Variants in SIDT1 observed in about 807,000 individuals in gnomAD.
SIDT1 encodes SID1 transmembrane family, member 1.
In SIDT1, 101 loss-of-function variants were observed where a neutral mutation model predicts 107.5. The observed-to-expected ratio is 0.94, with a 90% confidence interval of 0.80 to 1.11. The LOEUF (loss-of-function observed/expected upper bound fraction) is 1.11. Ranked by LOEUF, SIDT1 falls within the 50% of genes least tolerant of loss-of-function variation. The pLI, the probability that SIDT1 is intolerant of heterozygous loss-of-function variation, is 0.00. For synonymous variants in SIDT1, 395 were observed against 398.2 expected (o/e 0.99, Z 0.10); for missense variants, 1,076 against 1,058.2 (o/e 1.02, Z -0.23).
At position 113,544,883 on chromosome 3, in the gene SIDT1, G is replaced by T. The variant is rs78046664; in HGVS notation, c.222+11640G>T. Reference sequence around the variant, plus strand: ...AGTCCCAGCATTTTGGGAGGCCAAGGTGGGCAGATCCACCTGAGGTGAGGA... The same window carrying T: ...AGTCCCAGCATTTTGGGAGGCCAAGTTGGGCAGATCCACCTGAGGTGAGGA... On this transcript the variant is annotated intron_variant, in intron 1 of 24. Transcript: ENST00000264852. 2.1e-4 allele frequency among the ~76,000 whole-genome samples: 32 copies of T among 152,202 alleles called. No individual in the cohort carries two copies. In the East Asian group the frequency reaches 5.8e-3, roughly 28 times the overall value.
At chr3:113,618,955 G>T (rs549779684) in intron 20 of SIDT1, among the ~76,000 whole-genome samples, 169 of 152,264 alleles carry the variant, frequency 1.1e-3, no homozygotes, top group Non-Finnish European at 2.2e-3. Context: ...CTCTCAAGAA[G>T]CTAGGACTAC....
In SIDT1 at chr3:113,603,159, T is replaced by G. The variant is rs17325765; in HGVS notation, c.1263+9T>G. 128,853 of 1,612,352 alleles carry G rather than the reference T, an allele frequency of 0.08. 5,776 individuals are homozygous for G. Among genetic ancestry groups the G allele is most frequent in the Non-Finnish European group, 0.093 (109,482 of 1,178,906 alleles). ...ACATCATCCGGACCAAGGTACCCAC[T>G]CTGCCTCGCCGTACTCTTTGAGAGG... is the stretch of plus-strand genomic sequence containing the variant. On this transcript the variant is annotated intron_variant, in intron 12 of 24. Transcript: ENST00000264852.
At chr3:113,552,852 C>T (rs535794444) in intron 1 of SIDT1, among the ~76,000 whole-genome samples, 2 of 152,334 alleles carry the variant, frequency 1.3e-5, no homozygotes, top group Admixed American at 6.5e-5. Context: ...AGCCTTGCTT[C>T]CCGCAAAATT....
At chr3:113,606,727 G>C in intron 14 of SIDT1, 1 of 239,982 alleles carries the variant, frequency 4.2e-6, no homozygotes, top group Admixed American at 5.1e-5. Context: ...GTCCTGAAAG[G>C]CCCCAATGTT....
At chr3:113,606,218 C>T (rs1945322325) in intron 14 of SIDT1, among the ~76,000 whole-genome samples, 1 of 152,144 alleles carries the variant, frequency 6.6e-6, no homozygotes, top group African/African-American at 2.4e-5. Flanking sequence ...AGCCCATTTA[C>T]AATAGCAAAA....
chr3:113,630,809 G>A (rs567688864), downstream of SIDT1, among the ~76,000 whole-genome samples: 1 of 152,254 alleles, frequency 6.6e-6, no homozygotes, highest in East Asian at 1.9e-4. Context: ...CACGCAGACA[G>A]GATCCTCAGC....
intron 1 of SIDT1, among the ~76,000 whole-genome samples, chr3:113,559,169 T>C (rs1401799107): frequency 6.6e-6 from 1 of 152,248 alleles, no homozygotes; most frequent in African/African-American, 2.4e-5. Context: ...TATGACTCCT[T>C]GTACATATGC....
In SIDT1 at chr3:113,599,748, A is replaced by C. The variant is rs147682045; in HGVS notation, c.1046-1840A>C. Among the ~76,000 whole-genome samples the C allele has an allele frequency of 1.2e-3, 178 of 152,358 alleles. 1 individual carries two copies. The highest frequency in any genetic ancestry group is 3.7e-3 in the African/African-American group (152 of 41,592). ...CAGGGACAGGGAGTGGGAGGAAATT[A>C]GGAGCTGTAAGTCAAAAGGTACAAA... On this transcript the variant is annotated intron_variant, in intron 10 of 24. Coordinates refer to ENST00000264852, the MANE Select transcript of SIDT1 (RefSeq NM_017699.3).
intron 4 of SIDT1, among the ~76,000 whole-genome samples, chr3:113,579,669 A>C (rs889456423): frequency 6.6e-6 from 1 of 152,216 alleles, no homozygotes; most frequent in Non-Finnish European, 1.5e-5. Context: ...TAGGGTTAGG[A>C]GAAAAGATGT....
intron 4 of SIDT1, among the ~76,000 whole-genome samples, chr3:113,580,256 G>A (rs1288210451): frequency 6.6e-6 from 1 of 152,158 alleles, no homozygotes; most frequent in East Asian, 1.9e-4. Flanking sequence ...CTTATCACAT[G>A]TTATATCTCA....
intron 1 of SIDT1, among the ~76,000 whole-genome samples, chr3:113,551,473 T>C (rs1209625034): frequency 1.3e-5 from 2 of 152,202 alleles, no homozygotes; most frequent in East Asian, 3.8e-4. Context: ...TTCCTCAAGA[T>C]AGTTGTACTA....
intron 1 of SIDT1, among the ~76,000 whole-genome samples, chr3:113,544,171 T>TTTTGTTTGTTTGTTTGTTTG (rs139256393): frequency 1.5e-5 from 2 of 131,708 alleles, no homozygotes; most frequent in Non-Finnish European, 3.2e-5. Context: ...TCATGAGTCT[T>TTTTGTTTGTTTGTTTGTTTG]TTTGTTTGTT....
At chr3:113,559,507 T>G (rs1207467166) in intron 1 of SIDT1, among the ~76,000 whole-genome samples, 4 of 152,010 alleles carry the variant, frequency 2.6e-5, no homozygotes, top group African/African-American at 9.7e-5. Context: ...AGTGGCCCAA[T>G]CTGGGCTCAC....
chr3:113,549,483 T>A (rs932918135), intron 1 of SIDT1, among the ~76,000 whole-genome samples: 7 of 152,212 alleles, frequency 4.6e-5, no homozygotes, highest in African/African-American at 1.7e-4. Context: ...TGATTGTTGC[T>A]TTGCATTTCC....
At chr3:113,630,802 G>A (rs1206586394), downstream of SIDT1, among the ~76,000 whole-genome samples, 2 of 152,126 alleles carry the variant, frequency 1.3e-5, no homozygotes, top group African/African-American at 2.4e-5. Flanking sequence ...CAGTGCTCAC[G>A]CAGACAGGAT....
intron 14 of SIDT1, among the ~76,000 whole-genome samples, chr3:113,605,716 CT>C (rs1945278828): frequency 6.6e-6 from 1 of 152,012 alleles, no homozygotes. Context: ...TTAAAAACAG[CT>C]TTGTGGCTGG....
In SIDT1 at chr3:113,611,111, T is replaced by C. The variant is rs1945703771; in HGVS notation, c.1824T>C (p.Phe608=). The change falls in exon 18 of 25, where the codon TTT becomes TTC. Residue 608 remains phenylalanine (F), a synonymous_variant. Coordinates refer to ENST00000264852, the MANE Select transcript of SIDT1 (RefSeq NM_017699.3). ...GCGCCTACTCTGCCTATGCCTCCTT[T>C]GCTGTGGTCATCATGGTCACCGTCC... ...NASAYSAYAS[F]AVVIMVTVLG... 11 of 1,614,090 alleles carry C rather than the reference T, an allele frequency of 6.8e-6. No homozygotes were observed. The highest frequency in any genetic ancestry group is 9.3e-6 in the Non-Finnish European group (11 of 1,179,994).
At chr3:113,631,152 A>G (rs1239040820), downstream of SIDT1, among the ~76,000 whole-genome samples, 1 of 152,170 alleles carries the variant, frequency 6.6e-6, no homozygotes, top group African/African-American at 2.4e-5. Flanking sequence ...GTGACACCTC[A>G]TCACTGCTGT....
Position 113,611,133 on chromosome 3 carries a change from G to C in SIDT1, c.1846G>C (p.Val616Leu). Residue 616 changes from valine (V) to leucine (L), a missense_variant, in exon 18 of 25, where the codon GTC (valine) becomes CTC (leucine). By Grantham distance (32) the Val-to-Leu change is conservative. Coordinates refer to ENST00000264852, the MANE Select transcript of SIDT1 (RefSeq NM_017699.3). ...ASFAVVIMVT[V>L]LGVVFGKNDV... ...CTTTGCTGTGGTCATCATGGTCACC[G>C]TCCTTGGAGTGGTGCGTCCCCCACC... 6.2e-7 allele frequency: 1 copy of C among 1,613,692 alleles called. No homozygotes were observed. Among genetic ancestry groups the C allele is most frequent in the Admixed American group, 1.7e-5 (1 of 59,984 alleles).
Sources: gnomAD v4.1 joint callset for allele counts (sites outside exome capture counted in the v4.1 genomes callset) on GRCh38, gnomAD v4.1.1 for gene constraint, MANE v1.5 for transcripts, NCBI Gene and HGNC (gene_info 2026-07-23, HGNC 2026-07-21) for gene names.